Variants in MAPK10 observed in about 807,000 individuals in gnomAD.
MAPK10 encodes the protein JNK3 alpha protein kinase.
A neutral mutation model predicts 59.3 loss-of-function variants in MAPK10; 25 were observed. That is an observed-to-expected ratio of 0.42 (90% CI 0.31 to 0.59). The LOEUF is 0.59. Ranked by LOEUF, MAPK10 falls within the 20% of genes least tolerant of loss-of-function variation. The pLI is 0.15. For synonymous variants in MAPK10, 190 were observed against 200.5 expected, an observed-to-expected ratio of 0.95 and a Z score of 0.44; for missense variants, 351 against 568.9, an observed-to-expected ratio of 0.62 and a Z score of 3.90.
intron 2 of MAPK10, among the ~76,000 whole-genome samples, chr4:86,247,975 A>G (rs1012966260): frequency 2.1e-4 from 32 of 152,184 alleles, no homozygotes; most frequent in African/African-American, 7.7e-4. Context: ...TTTTGTTGTC[A>G]TATATCAAGT....
intron 1 of MAPK10, chr4:86,399,735 T>G (rs757196828): frequency 7.2e-5 from 11 of 152,212 alleles, no homozygotes; most frequent in Non-Finnish European, 1.5e-4. Context: ...CCTCTGATAT[T>G]AATATCCTTA....
intron 3 of MAPK10, among the ~76,000 whole-genome samples, chr4:86,178,074 A>G (rs549152618): frequency 1.3e-3 from 200 of 152,214 alleles, no homozygotes; most frequent in South Asian, 0.011. Flanking sequence ...ACAACTCCAC[A>G]TTAAGACTGC....
intron 13 of MAPK10, among the ~76,000 whole-genome samples, chr4:86,018,481 AATTGTTTATCTGTT>A (rs950360788): frequency 1.3e-5 from 2 of 152,178 alleles, no homozygotes; most frequent in African/African-American, 4.8e-5. Flanking sequence ...AACTTGAAAA[AATTGTTTATCTGTT>A]ATGCGGGAGT....
At chr4:86,335,886 A>G (rs912121125) in intron 2 of MAPK10, among the ~76,000 whole-genome samples, 1 of 152,090 alleles carries the variant, frequency 6.6e-6, no homozygotes, top group Admixed American at 6.6e-5. Context: ...CCATGAGCCA[A>G]TCACCTCCCT....
At chr4:86,479,474 C>CAAAAA (rs35632643) in intron 1 of MAPK10, among the ~76,000 whole-genome samples, 1 of 138,468 alleles carries the variant, frequency 7.2e-6, no homozygotes, top group Non-Finnish European at 1.6e-5. Context: ...CACCCCCCAC[C>CAAAAA]AAAAAAAAAA....
intron 3 of MAPK10, among the ~76,000 whole-genome samples, chr4:86,177,848 T>C (rs183731314): frequency 6.6e-6 from 1 of 152,156 alleles, no homozygotes; most frequent in African/African-American, 2.4e-5. Context: ...AGGATAGATA[T>C]TATTATATAT....
chr4:86,213,793 A>G (rs530672891), intron 2 of MAPK10, among the ~76,000 whole-genome samples: 1 of 152,236 alleles, frequency 6.6e-6, no homozygotes, highest in Admixed American at 6.5e-5. Flanking sequence ...TCTACCATAC[A>G]AAGAAGAACT....
At chr4:86,067,187 G>C (rs2046907614) in intron 10 of MAPK10, among the ~76,000 whole-genome samples, 1 of 152,044 alleles carries the variant, frequency 6.6e-6, no homozygotes, top group Admixed American at 6.6e-5. Context: ...CTATCTCTAG[G>C]CTGGAATGCA....
intron 2 of MAPK10, among the ~76,000 whole-genome samples, chr4:86,248,453 C>A (rs2093237696): frequency 6.6e-6 from 1 of 152,024 alleles, no homozygotes. Flanking sequence ...AAACAATATA[C>A]CTTTACTAGG....
chr4:86,410,721 T>C (rs756095625), intron 1 of MAPK10, among the ~76,000 whole-genome samples: 5 of 152,346 alleles, frequency 3.3e-5, no homozygotes, highest in East Asian at 3.9e-4. Context: ...TGATGGTAGT[T>C]TGTATTTCTG....
rs534528111 is a variant in MAPK10 at position 86,031,073 on chromosome 4, GC to G, written c.1174+294del. ...ATTCTGGAATTCTGAACTAAAGCTT[GC>G]CCCCCACCATGACAAACACTGACAA... is the stretch of plus-strand genomic sequence containing the variant. On this transcript the variant is annotated intron_variant, in intron 12 of 13. Transcript: ENST00000641462. 1.3e-3 allele frequency among the ~76,000 whole-genome samples: 200 copies of G among 152,154 alleles called. 1 individual carries two copies. The highest frequency in any genetic ancestry group is 4.7e-3 in the African/African-American group (195 of 41,516).
intron 1 of MAPK10, among the ~76,000 whole-genome samples, chr4:86,489,858 T>C (rs1754322747): frequency 6.6e-6 from 1 of 152,204 alleles, no homozygotes; most frequent in Non-Finnish European, 1.5e-5. Context: ...CCACACATCC[T>C]GAGTCTCTTC....
Position 86,529,974 on chromosome 4 carries a change from A to C in MAPK10, c.-263+63936T>G, listed in dbSNP as rs145279329. 2.4e-3 allele frequency among the ~76,000 whole-genome samples: 368 copies of C among 152,008 alleles called. 3 individuals are homozygous for C. The highest frequency in any genetic ancestry group is 8.4e-3 in the African/African-American group (348 of 41,454). On this transcript the variant is annotated intron_variant, in intron 1 of 4. Coordinates refer to the MAPK10 transcript ENST00000502302. ...TTTTAAATAATTAGAATTTTTTTTTAATATTGGCTCTCAAACCTAGCTGCA... is the reference window on the plus strand; with the variant it reads ...TTTTAAATAATTAGAATTTTTTTTTCATATTGGCTCTCAAACCTAGCTGCA...
intron 9 of MAPK10, among the ~76,000 whole-genome samples, chr4:86,076,355 T>C (rs964306633): frequency 1.3e-4 from 20 of 152,340 alleles, no homozygotes; most frequent in Admixed American, 5.9e-4. Flanking sequence ...ACCCATCTTC[T>C]GCGTCGCTCA....
At chr4:86,564,650 C>T (rs1578129745) in intron 1 of MAPK10, among the ~76,000 whole-genome samples, 2 of 152,266 alleles carry the variant, frequency 1.3e-5, no homozygotes, top group South Asian at 2.1e-4. Context: ...TGTGTGATCC[C>T]ATGCACATAT....
chr4:86,108,587 C>T (rs1451224564), intron 4 of MAPK10, among the ~76,000 whole-genome samples: 2 of 152,126 alleles, frequency 1.3e-5, no homozygotes, highest in Non-Finnish European at 2.9e-5. Flanking sequence ...ACTCATTCCT[C>T]TCTAAAATAT....
chr4:86,215,810 C>T (rs1326374459), intron 2 of MAPK10, among the ~76,000 whole-genome samples: 4 of 152,026 alleles, frequency 2.6e-5, no homozygotes, highest in Non-Finnish European at 5.9e-5. Flanking sequence ...TGCAGTGAGC[C>T]GAGATTGTGC....
At chr4:86,214,709 G>T (rs1213969017) in intron 2 of MAPK10, among the ~76,000 whole-genome samples, 1 of 151,762 alleles carries the variant, frequency 6.6e-6, no homozygotes, top group Non-Finnish European at 1.5e-5. Context: ...ACTTAACCAA[G>T]AAGGAAAAAC....
At chr4:86,209,249 T>C (rs2085097778) in intron 2 of MAPK10, among the ~76,000 whole-genome samples, 1 of 152,144 alleles carries the variant, frequency 6.6e-6, no homozygotes, top group East Asian at 1.9e-4. Flanking sequence ...ACAATATGGA[T>C]ACATTTCTAA....
Sources: allele counts gnomAD v4.1 joint callset (sites outside exome capture counted in the v4.1 genomes callset), GRCh38; gene constraint gnomAD v4.1.1; transcripts MANE v1.5; gene names NCBI Gene and HGNC (gene_info 2026-07-23, HGNC 2026-07-21).